Variants in AHI1 observed in about 807,000 individuals in gnomAD.
AHI1 encodes the protein Abelson helper integration site 1.
Under a neutral mutation model 149.3 loss-of-function variants are expected in AHI1, and 123 were observed. The observed-to-expected ratio is 0.82, with a 90% confidence interval of 0.71 to 0.96. AHI1 has a LOEUF of 0.96. Among genes scored for constraint, AHI1 ranks in the 40% least tolerant of loss-of-function variants. The pLI, the probability that AHI1 is intolerant of heterozygous loss-of-function variation, is 0.00. For synonymous variants in AHI1, 475 were observed against 459.8 expected, an observed-to-expected ratio of 1.03 and a Z score of -0.42; for missense variants, 1,439 against 1,422.7, an observed-to-expected ratio of 1.01 and a Z score of -0.18.
At chr6:135,404,313 A>G (rs1408960430) in intron 22 of AHI1, among the ~76,000 whole-genome samples, 4 of 152,232 alleles carry the variant, frequency 2.6e-5, no homozygotes, top group African/African-American at 9.6e-5. Flanking sequence ...TTGAAAGCAT[A>G]TAAGATACAA....
chr6:135,394,938 T>C, intron 22 of AHI1, 42 bp from the exon 23 acceptor site: 1 of 1,560,334 alleles, frequency 6.4e-7, no homozygotes. Flanking sequence ...TGTAATTTCC[T>C]GGATTACTAA....
At chr6:135,421,710 CA>C (rs1290389857) in intron 20 of AHI1, among the ~76,000 whole-genome samples, 1 of 151,986 alleles carries the variant, frequency 6.6e-6, no homozygotes, top group Non-Finnish European at 1.5e-5. Flanking sequence ...GGTTTATGCT[CA>C]AAACTATCAA....
At chr6:135,310,874 G>C (rs1373383680) in intron 26 of AHI1, among the ~76,000 whole-genome samples, 1 of 151,718 alleles carries the variant, frequency 6.6e-6, no homozygotes, top group Admixed American at 6.6e-5. Flanking sequence ...ACTACTTTGG[G>C]TTTTGTTTTT....
At chr6:135,311,921 G>A (rs1785262003) in intron 26 of AHI1, among the ~76,000 whole-genome samples, 1 of 152,100 alleles carries the variant, frequency 6.6e-6, no homozygotes, top group South Asian at 2.1e-4. Context: ...CTCCAGTGAA[G>A]AGCCAGCAAC....
At chr6:135,366,542 T>C (rs1774216820) in intron 23 of AHI1, among the ~76,000 whole-genome samples, 1 of 152,218 alleles carries the variant, frequency 6.6e-6, no homozygotes, top group Non-Finnish European at 1.5e-5. Flanking sequence ...GCAATTTATC[T>C]ATCTCCTCTA....
chr6:135,338,446 G>T (rs1384053004), intron 24 of AHI1, among the ~76,000 whole-genome samples: 3 of 152,158 alleles, frequency 2.0e-5, no homozygotes, highest in Non-Finnish European at 1.5e-5. Flanking sequence ...ATTTTCAATG[G>T]CTAAATAGAA....
In AHI1 at chr6:135,363,933, G is replaced by A. The variant is rs1465030378; in HGVS notation, c.3110-5746C>T. Reference sequence around the variant, plus strand: ...TCCCTCCCGGATGGGGCGGCTGGCCGGGCGGGGGGCTGACCCCCCCACCTC... The same window carrying A: ...TCCCTCCCGGATGGGGCGGCTGGCCAGGCGGGGGGCTGACCCCCCCACCTC... On this transcript the variant is annotated intron_variant, in intron 23 of 28. Transcript: ENST00000265602. 3.0e-4 allele frequency among the ~76,000 whole-genome samples: 44 copies of A among 146,762 alleles called. No individual in the cohort carries two copies. The South Asian group carries it at 7.8e-3, about 26-fold the overall frequency.
chr6:135,421,050 G>C (rs1331165532), intron 20 of AHI1, among the ~76,000 whole-genome samples: 1 of 152,148 alleles, frequency 6.6e-6, no homozygotes, highest in Non-Finnish European at 1.5e-5. Flanking sequence ...GGCCTGAAGA[G>C]AGGGAGAGAA....
At chr6:135,431,340 C>T (rs780435659) in intron 16 of AHI1, 26 bp from the exon 17 acceptor site, 3 of 1,382,066 alleles carry the variant, frequency 2.2e-6, no homozygotes, top group Non-Finnish European at 3.0e-6. Context: ...AGATCACTCA[C>T]TTATGAATGT....
At chr6:135,426,059 T>C (rs1416841087) in intron 20 of AHI1, among the ~76,000 whole-genome samples, 1 of 151,784 alleles carries the variant, frequency 6.6e-6, no homozygotes, top group Non-Finnish European at 1.5e-5. Flanking sequence ...ATGTGAAGAT[T>C]TAGAGTGGGT....
rs150336326 is a variant in AHI1 at position 135,417,574 on chromosome 6, C to T, written c.2765-6030G>A. On this transcript the variant is annotated intron_variant, in intron 20 of 28. Transcript: ENST00000265602. Reference sequence around the variant, plus strand: ...TTTTTCCAGGTATTAATATGCCTTTCGGAAGGATTAAAATGGCCCAAATGG... The same window carrying T: ...TTTTTCCAGGTATTAATATGCCTTTTGGAAGGATTAAAATGGCCCAAATGG... Among the ~76,000 whole-genome samples the T allele has an allele frequency of 5.1e-4, 77 of 151,888 alleles. 1 individual carries two copies. Among genetic ancestry groups the T allele is most frequent in the African/African-American group, 1.6e-3 (68 of 41,456 alleles).
chr6:135,485,796 CCTCA>C (rs1345066911), intron 5 of AHI1, among the ~76,000 whole-genome samples: 1 of 152,102 alleles, frequency 6.6e-6, no homozygotes, highest in African/African-American at 2.4e-5. Context: ...CATTTGTTCT[CCTCA>C]CTAAGTGTCA....
chr6:135,455,664 A>T, intron 10 of AHI1, 70 bp downstream of exon 10: 3 of 1,203,498 alleles, frequency 2.5e-6, no homozygotes, highest in Non-Finnish European at 3.3e-6. Context: ...ACTACTAAAA[A>T]TAATAGCTTA....
chr6:135,478,251 A>G (rs1386067758), intron 5 of AHI1, among the ~76,000 whole-genome samples: 2 of 152,238 alleles, frequency 1.3e-5, no homozygotes, highest in African/African-American at 4.8e-5. Context: ...AGGGCTCAGA[A>G]GAAGACAGGA....
At chr6:135,449,614 T>G (rs1039727197) in intron 11 of AHI1, among the ~76,000 whole-genome samples, 1 of 152,138 alleles carries the variant, frequency 6.6e-6, no homozygotes, top group Non-Finnish European at 1.5e-5. Context: ...ATATCTTAAA[T>G]TAGAAGAATA....
chr6:135,340,672 T>TATACACATACATAC lies in AHI1; in HGVS notation c.3166-17349_3166-17348insGTATGTATGTGTAT, dbSNP rs1253965044. 1.4e-3 allele frequency among the ~76,000 whole-genome samples: 189 copies of TATACACATACATAC among 131,478 alleles called. 3 individuals are homozygous for TATACACATACATAC. Among genetic ancestry groups the TATACACATACATAC allele is most frequent in the African/African-American group, 5.2e-3 (179 of 34,334 alleles). The allele number at this position is 131,478 out of a possible 152,430, so 86.3% of individuals were successfully genotyped here. On this transcript the variant is annotated intron_variant, in intron 24 of 28. Coordinates refer to ENST00000265602, the MANE Select transcript of AHI1 (RefSeq NM_001134831.2). Reference sequence around the variant, plus strand: ...ATACATACATACATATATATATATATATATATATATATATATATATATATG... The same window carrying TATACACATACATAC: ...ATACATACATACATATATATATATATATACACATACATACATATATATATATATATATATATATG...
At chr6:135,397,739 C>G (rs1412367217) in intron 22 of AHI1, among the ~76,000 whole-genome samples, 1 of 151,954 alleles carries the variant, frequency 6.6e-6, no homozygotes, top group Non-Finnish European at 1.5e-5. Context: ...AAATTTAAAA[C>G]CTTTGGGAGA....
At chr6:135,476,530 T>C (rs367704750) in intron 5 of AHI1, among the ~76,000 whole-genome samples, 1 of 152,160 alleles carries the variant, frequency 6.6e-6, no homozygotes, top group African/African-American at 2.4e-5. Flanking sequence ...TACATTCTTA[T>C]TGATTTTTTG....
chr6:135,495,423 G>T (rs1795828577), intron 3 of AHI1: 1 of 152,174 alleles, frequency 6.6e-6, no homozygotes, highest in South Asian at 2.1e-4. Context: ...TCTTGCTTTT[G>T]TATCATTACA....
Sources: allele counts gnomAD v4.1 joint callset (sites outside exome capture counted in the v4.1 genomes callset), GRCh38; gene constraint gnomAD v4.1.1; transcripts MANE v1.5; gene names NCBI Gene and HGNC (gene_info 2026-07-23, HGNC 2026-07-21).